BCKDHA: variants seen among roughly 807,000 people sequenced by gnomAD.
BCKDHA encodes the protein branched chain keto acid dehydrogenase E1 subunit alpha, also known as 2-oxoisovalerate dehydrogenase subunit alpha, mitochondrial.
Under a neutral mutation model 52.2 loss-of-function variants are expected in BCKDHA, and 43 were observed. The observed-to-expected ratio is 0.82, with a 90% CI of 0.64 to 1.06. BCKDHA has a LOEUF of 1.06. BCKDHA is among the 50% of genes least tolerant of loss of function. BCKDHA has a pLI of 0.00. For synonymous variants in BCKDHA, 234 were observed against 247.9 expected, an observed-to-expected ratio of 0.94 and a Z score of 0.53; for missense variants, 527 against 621.3, an observed-to-expected ratio of 0.85 and a Z score of 1.61.
At chr19:41,404,535 C>G (rs910017244) in intron 1 of BCKDHA, among the ~76,000 whole-genome samples, 1 of 151,706 alleles carries the variant, frequency 6.6e-6, no homozygotes, top group Non-Finnish European at 1.5e-5. Context: ...ATGATCCGCC[C>G]GCCTCGGTCT....
At chr19:41,415,014 C>T (rs1314683354) in intron 4 of BCKDHA, among the ~76,000 whole-genome samples, 2 of 152,152 alleles carry the variant, frequency 1.3e-5, no homozygotes, top group African/African-American at 2.4e-5. Context: ...ACAGAGTAAG[C>T]GCTCAGGGCC....
chr19:41,401,686 C>T (rs779673224), intron 1 of BCKDHA, among the ~76,000 whole-genome samples: 1 of 152,200 alleles, frequency 6.6e-6, no homozygotes, highest in South Asian at 2.1e-4. Context: ...AATTGTGAGT[C>T]AGTTTCTCAG....
chr19:41,400,157 C>T (rs767295725), intron 1 of BCKDHA, among the ~76,000 whole-genome samples: 1 of 152,058 alleles, frequency 6.6e-6, no homozygotes, highest in Non-Finnish European at 1.5e-5. Flanking sequence ...GCCTCAACCT[C>T]CTGGGCTCAA....
At chr19:41,407,063 T>G (rs2039201277) in intron 1 of BCKDHA, among the ~76,000 whole-genome samples, 1 of 152,186 alleles carries the variant, frequency 6.6e-6, no homozygotes, top group East Asian at 1.9e-4. Context: ...AAGGTGCAGT[T>G]AGTTCTTCCC....
intron 1 of BCKDHA, chr19:41,399,574 A>G (rs2039114286): frequency 6.6e-6 from 1 of 150,618 alleles, no homozygotes; most frequent in Admixed American, 6.6e-5. Flanking sequence ...CTTTTTATTT[A>G]TATATATTTA....
At chr19:41,399,171 G>C (rs1006297499) in intron 1 of BCKDHA, among the ~76,000 whole-genome samples, 3 of 152,100 alleles carry the variant, frequency 2.0e-5, no homozygotes, top group Non-Finnish European at 4.4e-5. Context: ...AGAAGCTCTG[G>C]GTAGGGGAAC....
In BCKDHA at chr19:41,420,580, G is replaced by A. The variant is rs377720385; in HGVS notation, c.646+1284G>A. 1.4e-4 allele frequency among the ~76,000 whole-genome samples: 19 copies of A among 135,220 alleles called. 1 individual carries two copies. Among genetic ancestry groups the A allele is most frequent in the African/African-American group, 5.1e-4 (17 of 33,322 alleles). The allele number at this position is 135,220 out of a possible 152,430, so 88.7% of individuals were successfully genotyped here. On this transcript the variant is annotated intron_variant, in intron 5 of 8. Transcript: ENST00000269980. ...TGCCATTGCACTCTAGCCAAAGTGA[G>A]ATCCTGTCTCAAAAAAAAAAAAAAG... is the stretch of plus-strand genomic sequence containing the variant.
intron 3 of BCKDHA, among the ~76,000 whole-genome samples, chr19:41,412,557 T>C (rs1005972032): frequency 2.0e-5 from 3 of 151,190 alleles, no homozygotes; most frequent in African/African-American, 7.3e-5. Flanking sequence ...TTTGTATTTT[T>C]AGTAGAGATG....
intron 1 of BCKDHA, among the ~76,000 whole-genome samples, chr19:41,406,981 G>A (rs1251199912): frequency 1.3e-5 from 2 of 152,192 alleles, no homozygotes; most frequent in African/African-American, 2.4e-5. Context: ...TCCCACCTCA[G>A]CCTCCCAAAG....
Position 41,422,690 on chromosome 19 carries a change from C to T in BCKDHA, c.915C>T (p.Ala305=), listed in dbSNP as rs748919780. 1.4e-5 allele frequency: 23 copies of T among 1,614,006 alleles called. No homozygotes were observed. The East Asian group carries it at 2.9e-4, about 20-fold the overall frequency. ...GCGTGGATGGTAATGATGTGTTTGC[C>T]GTATACAACGCCACAAAGGAGGCCC... ...SIRVDGNDVF[A]VYNATKEARR... is the part of the protein sequence containing the mutation. Residue 305 remains alanine, a synonymous_variant, in exon 7 of 9, where the codon GCC becomes GCT. Transcript: ENST00000269980.
intron 3 of BCKDHA, 27 bp downstream of exon 3, chr19:41,411,036 G>A (rs777132193): frequency 6.2e-7 from 1 of 1,611,672 alleles, no homozygotes; most frequent in African/African-American, 1.3e-5. Flanking sequence ...CTAGGGGCGG[G>A]GGGCTGGAAT....
chr19:41,404,682 C>T (rs998063906), intron 1 of BCKDHA, among the ~76,000 whole-genome samples: 19 of 151,900 alleles, frequency 1.3e-4, no homozygotes, highest in Non-Finnish European at 2.1e-4. Context: ...CAACCTCCAC[C>T]TCCCAGGTTC....
At chr19:41,409,393 T>A (rs1411714809) in intron 1 of BCKDHA, among the ~76,000 whole-genome samples, 1 of 152,132 alleles carries the variant, frequency 6.6e-6, no homozygotes, top group Non-Finnish European at 1.5e-5. Context: ...GTGTCTGCCC[T>A]CCCTGCTAGG....
chr19:41,404,474 A>G (rs2039171828), intron 1 of BCKDHA, among the ~76,000 whole-genome samples: 1 of 150,918 alleles, frequency 6.6e-6, no homozygotes, highest in Admixed American at 6.6e-5. Context: ...TATTTTTAGT[A>G]GAGATAGGGT....
intron 1 of BCKDHA, among the ~76,000 whole-genome samples, chr19:41,406,226 G>C (rs1006987625): frequency 2.6e-5 from 4 of 152,104 alleles, no homozygotes; most frequent in African/African-American, 9.7e-5. Context: ...GAAGATAGCT[G>C]TCCAGCCTCT....
chr19:41,419,051 G>T (rs747287334), intron 4 of BCKDHA, 84 bp from the exon 5 acceptor site: 2 of 1,523,048 alleles, frequency 1.3e-6, no homozygotes, highest in Non-Finnish European at 1.8e-6. Context: ...CTGTCTGCCT[G>T]CCAGCATGCT....
rs529215997 is a variant in BCKDHA, at chr19:41,406,420, C to T, written c.109-4217C>T. Among the ~76,000 whole-genome samples, 8 of 152,212 alleles carry T rather than the reference C, an allele frequency of 5.3e-5. No individual in the cohort carries two copies. The South Asian group carries it at 1.5e-3, about 28-fold the overall frequency. Reference sequence around the variant, plus strand: ...AGTTTGGTTTTATTGTTCTTTGAGACAGGGTATCACTTTGTTGCCCAGGCT... The same window carrying T: ...AGTTTGGTTTTATTGTTCTTTGAGATAGGGTATCACTTTGTTGCCCAGGCT... On this transcript the variant is annotated intron_variant, in intron 1 of 8. Coordinates refer to ENST00000269980, the MANE Select transcript of BCKDHA (RefSeq NM_000709.4).
intron 4 of BCKDHA, chr19:41,418,678 A>G: frequency 2.3e-6 from 1 of 439,268 alleles, no homozygotes; most frequent in South Asian, 1.6e-5. Flanking sequence ...CCACAGGCAC[A>G]CATCACCATG....
intron 4 of BCKDHA, among the ~76,000 whole-genome samples, chr19:41,417,920 CAA>C (rs72299612): frequency 7.0e-5 from 9 of 128,942 alleles, no homozygotes; most frequent in Admixed American, 8.0e-5. Flanking sequence ...AACTCCGTCT[CAA>C]AAAAAAAAAA....
Sources: gnomAD v4.1 joint callset for allele counts (sites outside exome capture counted in the v4.1 genomes callset) on GRCh38, gnomAD v4.1.1 for gene constraint, MANE v1.5 for transcripts, NCBI Gene and HGNC (gene_info 2026-07-23, HGNC 2026-07-21) for gene names.